The following MEI4 variants were observed in gnomAD, a reference collection of about 807,000 sequenced individuals.
MEI4 encodes meiotic double-stranded break formation protein 4.
In MEI4, 27 loss-of-function variants were observed where a neutral mutation model predicts 31.4. The ratio of observed to expected loss-of-function variants is 0.86; its 90% CI spans 0.63 to 1.19. The LOEUF (loss-of-function observed/expected upper bound fraction) is 1.19, where lower values mean the gene tolerates loss of function less well. Ranked by LOEUF, MEI4 falls within the 50% of genes most tolerant of loss-of-function variation. The probability of loss-of-function intolerance (pLI) is 0.00; values close to 1 mark genes in which losing one functional copy is unlikely to be tolerated. For synonymous variants in MEI4, 122 were observed against 145.4 expected (o/e 0.84, Z 1.16); for missense variants, 329 against 398.9 (o/e 0.82, Z 1.49).
At chr6:77,830,589 G>A (rs766481868) in intron 4 of MEI4, among the ~76,000 whole-genome samples, 1 of 151,952 alleles carries the variant, frequency 6.6e-6, no homozygotes, top group Non-Finnish European at 1.5e-5. Context: ...AATAACTAGT[G>A]TCAGGCAGGT....
intron 3 of MEI4, among the ~76,000 whole-genome samples, chr6:77,796,813 C>T (rs1582154451): frequency 1.3e-5 from 2 of 152,242 alleles, no homozygotes; most frequent in East Asian, 3.9e-4. Context: ...TCCAAAGGTG[C>T]CTTTCACTGA....
chr6:77,838,401 T>C (rs1770274660), intron 4 of MEI4, among the ~76,000 whole-genome samples: 1 of 152,156 alleles, frequency 6.6e-6, no homozygotes, highest in Non-Finnish European at 1.5e-5. Flanking sequence ...ACTGAGCATC[T>C]GAAGGGGATT....
At chr6:77,803,461 T>C (rs568581398) in intron 3 of MEI4, among the ~76,000 whole-genome samples, 2 of 152,338 alleles carry the variant, frequency 1.3e-5, no homozygotes, top group South Asian at 4.1e-4. Context: ...TGAAGGCTTC[T>C]TCTCTCAACT....
At chr6:77,788,087 G>T (rs1397537764) in intron 3 of MEI4, among the ~76,000 whole-genome samples, 2 of 152,094 alleles carry the variant, frequency 1.3e-5, no homozygotes, top group African/African-American at 4.8e-5. Context: ...TACCAGCAGG[G>T]CTGGTTCAAC....
At chr6:77,918,133 G>C (rs1361665162) in intron 4 of MEI4, among the ~76,000 whole-genome samples, 1 of 150,236 alleles carries the variant, frequency 6.7e-6, no homozygotes, top group Admixed American at 6.6e-5. Flanking sequence ...CTATATCTCT[G>C]TTTTGGTACC....
chr6:77,807,336 G>A (rs1046044250), intron 3 of MEI4, among the ~76,000 whole-genome samples: 3 of 151,974 alleles, frequency 2.0e-5, no homozygotes, highest in African/African-American at 7.2e-5. Context: ...AGAATTAGCT[G>A]GACTTCATGT....
At chr6:77,708,043 C>G (rs950205734) in intron 2 of MEI4, among the ~76,000 whole-genome samples, 16 of 152,208 alleles carry the variant, frequency 1.1e-4, no homozygotes, top group Non-Finnish European at 1.5e-5. Context: ...AGCTCCCACA[C>G]AAGAGTTCCC....
intron 4 of MEI4, among the ~76,000 whole-genome samples, chr6:77,874,972 T>A (rs1771297887): frequency 6.6e-6 from 1 of 152,238 alleles, no homozygotes; most frequent in African/African-American, 2.4e-5. Context: ...GCTTTTAGTT[T>A]CCTTACTTTT....
intron 3 of MEI4, among the ~76,000 whole-genome samples, chr6:77,827,807 T>G (rs1319947687): frequency 6.6e-6 from 1 of 152,130 alleles, no homozygotes; most frequent in African/African-American, 2.4e-5. Context: ...TAGAGATTAT[T>G]TTAATAATAT....
chr6:77,657,686 C>T (rs1768422992), intron 1 of MEI4, among the ~76,000 whole-genome samples: 2 of 152,090 alleles, frequency 1.3e-5, no homozygotes, highest in Admixed American at 1.3e-4. Flanking sequence ...GACTGACTTT[C>T]AAGACCCCAA....
chr6:77,678,551 A>G (rs1768887711), intron 1 of MEI4, among the ~76,000 whole-genome samples: 1 of 8,838 alleles, frequency 1.1e-4, no homozygotes, highest in African/African-American at 2.4e-3. Context: ...CTTAGGAGCC[A>G]TCAATGTTTG....
intron 4 of MEI4, among the ~76,000 whole-genome samples, chr6:77,859,534 T>C (rs746025374): frequency 3.3e-5 from 5 of 152,200 alleles, no homozygotes; most frequent in Non-Finnish European, 7.3e-5. Context: ...ATCTATTGTT[T>C]CCTGACTTTT....
chr6:77,711,100 A>G (rs1053168627), intron 2 of MEI4, among the ~76,000 whole-genome samples: 1 of 134,996 alleles, frequency 7.4e-6, no homozygotes, highest in East Asian at 2.4e-4. Context: ...CAGTTGGGGG[A>G]GAATAGAGAG....
At chr6:77,801,233 G>A (rs1398145945) in intron 3 of MEI4, among the ~76,000 whole-genome samples, 1 of 152,182 alleles carries the variant, frequency 6.6e-6, no homozygotes, top group Non-Finnish European at 1.5e-5. Context: ...GGGCGTATGT[G>A]TCAAGGAATT....
At chr6:77,849,653 G>A (rs974576663) in intron 4 of MEI4, among the ~76,000 whole-genome samples, 3 of 152,104 alleles carry the variant, frequency 2.0e-5, no homozygotes, top group Non-Finnish European at 4.4e-5. Context: ...ATTTTTTGAA[G>A]AAAAACCGAT....
intron 4 of MEI4, among the ~76,000 whole-genome samples, chr6:77,849,886 A>G (rs1217829642): frequency 6.6e-6 from 1 of 152,182 alleles, no homozygotes; most frequent in Non-Finnish European, 1.5e-5. Context: ...ATCCATAAAT[A>G]TTTATCCCAT....
chr6:77,821,255 A>G (rs575076587), intron 3 of MEI4, among the ~76,000 whole-genome samples: 1 of 152,106 alleles, frequency 6.6e-6, no homozygotes, highest in Non-Finnish European at 1.5e-5. Flanking sequence ...ATTTTTAAAA[A>G]TTTTTTATTA....
chr6:77,912,366 A>C (rs1047282169), intron 4 of MEI4, among the ~76,000 whole-genome samples: 2 of 152,010 alleles, frequency 1.3e-5, no homozygotes, highest in Non-Finnish European at 2.9e-5. Context: ...GAAAAATGAT[A>C]TTGGTATTTT....
intron 4 of MEI4, among the ~76,000 whole-genome samples, chr6:77,918,091 T>C (rs1361008317): frequency 6.6e-6 from 1 of 150,668 alleles, no homozygotes; most frequent in Non-Finnish European, 1.5e-5. Flanking sequence ...TATGTGGCGT[T>C]ATTTCTGAGG....
Sources: gnomAD v4.1 joint callset for allele counts (sites outside exome capture counted in the v4.1 genomes callset) on GRCh38, gnomAD v4.1.1 for gene constraint, MANE v1.5 for transcripts, NCBI Gene and HGNC (gene_info 2026-07-23, HGNC 2026-07-21) for gene names.